PCDH7: variants seen among roughly 807,000 people sequenced by gnomAD.
The protein encoded by PCDH7 is protocadherin-7.
Under a neutral mutation model 58.9 loss-of-function variants are expected in PCDH7, and 17 were observed. The observed-to-expected ratio is 0.29, with a 90% confidence interval of 0.20 to 0.43. PCDH7 has a LOEUF of 0.43. PCDH7 is among the 20% of genes least tolerant of loss of function. PCDH7 has a pLI of 1.00. For synonymous variants in PCDH7, 664 were observed against 616.4 expected, an observed-to-expected ratio of 1.08 and a Z score of -1.14; for missense variants, 1,274 against 1,441.0, an observed-to-expected ratio of 0.88 and a Z score of 1.88.
chr4:30,999,416 G>T (rs1245072294), intron 3 of PCDH7, among the ~76,000 whole-genome samples: 1 of 152,134 alleles, frequency 6.6e-6, no homozygotes, highest in Non-Finnish European at 1.5e-5. Context: ...CAAAAATTTG[G>T]TGGAGAAGAG....
At chr4:31,050,935 A>G (rs1756684663) in intron 3 of PCDH7, among the ~76,000 whole-genome samples, 1 of 152,152 alleles carries the variant, frequency 6.6e-6, no homozygotes, top group East Asian at 1.9e-4. Context: ...TCTCTGCTTC[A>G]CATTGTCTAT....
chr4:30,888,446 G>C lies in PCDH7; in HGVS notation c.71-31707G>C, dbSNP rs549165531. On this transcript the variant is annotated intron_variant, in intron 1 of 3. Coordinates refer to the PCDH7 transcript ENST00000509759. ...ACAAATAAGCTGCAAGGCAGAAATA[G>C]ATTGAGAAAGAGAGGATATTTATAG... 8.5e-5 allele frequency among the ~76,000 whole-genome samples: 13 copies of C among 152,296 alleles called. No individual in the cohort carries two copies. The South Asian group carries it at 2.7e-3, about 32-fold the overall frequency.
rs143150372 is a variant in PCDH7 at position 30,866,564 on chromosome 4, G to C, written c.71-53589G>C. ...ATATACTCCAGTTTCTAACTTTTCTGTTCAATTTTCCAGGTTACATTACTG... is the reference window on the plus strand; with the variant it reads ...ATATACTCCAGTTTCTAACTTTTCTCTTCAATTTTCCAGGTTACATTACTG... On this transcript the variant is annotated intron_variant, in intron 1 of 3. Transcript: ENST00000509759. Among the ~76,000 whole-genome samples, 478 of 152,010 alleles carry C rather than the reference G, an allele frequency of 3.1e-3. 3 individuals are homozygous for C. Among genetic ancestry groups the C allele is most frequent in the African/African-American group, 9.1e-3 (377 of 41,480 alleles).
At chr4:31,016,629 TG>T (rs1753625079) in intron 3 of PCDH7, among the ~76,000 whole-genome samples, 1 of 152,130 alleles carries the variant, frequency 6.6e-6, no homozygotes, top group South Asian at 2.1e-4. Flanking sequence ...GGGTAGCATT[TG>T]TTAAGGAAAT....
At chr4:30,963,832 C>CT (rs1748716397) in intron 3 of PCDH7, among the ~76,000 whole-genome samples, 1 of 152,164 alleles carries the variant, frequency 6.6e-6, no homozygotes, top group African/African-American at 2.4e-5. Context: ...TTCCCCAACT[C>CT]TAAGAACAAG....
chr4:30,795,943 G>GA (rs1330133253), intron 1 of PCDH7, among the ~76,000 whole-genome samples: 1 of 151,998 alleles, frequency 6.6e-6, no homozygotes, highest in Non-Finnish European at 1.5e-5. Flanking sequence ...AACAAACACC[G>GA]AAAAAATATG....
intron 3 of PCDH7, among the ~76,000 whole-genome samples, chr4:31,087,473 A>G (rs1034349567): frequency 2.0e-5 from 3 of 152,160 alleles, no homozygotes; most frequent in Admixed American, 6.6e-5. Flanking sequence ...GTACATTAAA[A>G]TAATACCTTT....
chr4:30,840,148 AT>A (rs113047338), intron 1 of PCDH7, among the ~76,000 whole-genome samples: 3,124 of 148,588 alleles, frequency 0.021, 104 homozygotes, highest in African/African-American at 0.071. Context: ...CTTTTCAGTT[AT>A]TTTTTTTTTA....
At chr4:31,142,296 A>G (rs1271310775) in intron 3 of PCDH7, among the ~76,000 whole-genome samples, 177 bp from the exon 3 acceptor site, 1 of 152,142 alleles carries the variant, frequency 6.6e-6, no homozygotes, top group African/African-American at 2.4e-5. Context: ...GCAAAACCTT[A>G]TCTTTGATGC....
At chr4:30,798,743 G>GC in intron 1 of PCDH7, among the ~76,000 whole-genome samples, 1 of 152,248 alleles carries the variant, frequency 6.6e-6, no homozygotes, top group East Asian at 1.9e-4. Flanking sequence ...GATGTTGAAG[G>GC]CTAAAGAACC....
At chr4:31,017,910 TA>T (rs1753744639) in intron 3 of PCDH7, among the ~76,000 whole-genome samples, 1 of 152,102 alleles carries the variant, frequency 6.6e-6, no homozygotes, top group Non-Finnish European at 1.5e-5. Flanking sequence ...AAAACTAATA[TA>T]ATGATACCTA....
At chr4:30,796,313 G>A (rs765381322) in intron 1 of PCDH7, among the ~76,000 whole-genome samples, 8 of 152,124 alleles carry the variant, frequency 5.3e-5, no homozygotes, top group African/African-American at 1.2e-4. Flanking sequence ...AGTAGTCACC[G>A]TTATTTACTG....
intron 3 of PCDH7, among the ~76,000 whole-genome samples, chr4:30,988,375 A>G (rs1751171811): frequency 6.6e-6 from 1 of 152,198 alleles, no homozygotes; most frequent in Non-Finnish European, 1.5e-5. Context: ...CAGAATAGTC[A>G]CCTACATACT....
intron 1 of PCDH7, among the ~76,000 whole-genome samples, chr4:30,897,922 G>C (rs189859337): frequency 2.6e-5 from 4 of 152,228 alleles, no homozygotes; most frequent in African/African-American, 9.6e-5. Context: ...TGTACAGCTT[G>C]GTATAATCAG....
intron 1 of PCDH7, among the ~76,000 whole-genome samples, chr4:30,763,044 A>G (rs539019516): frequency 6.6e-6 from 1 of 152,180 alleles, no homozygotes; most frequent in African/African-American, 2.4e-5. Context: ...GGAGTTCAAG[A>G]CCAGCCTGGC....
At chr4:31,121,297 C>G (rs1717664427) in intron 3 of PCDH7, among the ~76,000 whole-genome samples, 1 of 152,124 alleles carries the variant, frequency 6.6e-6, no homozygotes, top group Non-Finnish European at 1.5e-5. Context: ...TATAAATTAT[C>G]TATCTTTTTA....
At chr4:31,104,224 C>T (rs190876687) in intron 3 of PCDH7, among the ~76,000 whole-genome samples, 22 of 152,286 alleles carry the variant, frequency 1.4e-4, no homozygotes, top group African/African-American at 3.4e-4. Flanking sequence ...TTTCTACCAC[C>T]ATAGCACCCA....
At chr4:30,834,161 A>G (rs1459637588) in intron 1 of PCDH7, among the ~76,000 whole-genome samples, 1 of 152,158 alleles carries the variant, frequency 6.6e-6, no homozygotes, top group Non-Finnish European at 1.5e-5. Flanking sequence ...GTAATCATTT[A>G]CTTATCACCA....
At chr4:30,775,426 A>G (rs1208128753) in intron 1 of PCDH7, among the ~76,000 whole-genome samples, 1 of 152,128 alleles carries the variant, frequency 6.6e-6, no homozygotes, top group Non-Finnish European at 1.5e-5. Flanking sequence ...TTCAGAAAGT[A>G]TACTCTATAC....
Sources: gnomAD v4.1 joint callset for allele counts (sites outside exome capture counted in the v4.1 genomes callset) on GRCh38, gnomAD v4.1.1 for gene constraint, MANE v1.5 for transcripts, NCBI Gene and HGNC (gene_info 2026-07-23, HGNC 2026-07-21) for gene names.